SIM2: variants seen among roughly 807,000 people sequenced by gnomAD.
The protein encoded by SIM2 is single-minded homolog 2.
SIM2 carries 28 observed loss-of-function variants against 64.8 expected under a neutral mutation model. That is an observed-to-expected ratio of 0.43 (90% CI 0.32 to 0.59). The LOEUF (loss-of-function observed/expected upper bound fraction) is 0.59, where lower values mean the gene tolerates loss of function less well. Among genes scored for constraint, SIM2 ranks in the 20% least tolerant of loss-of-function variants. SIM2 has a pLI of 0.07. For synonymous variants in SIM2, 408 were observed against 391.1 expected (o/e 1.04, Z -0.51); for missense variants, 847 against 871.4 (o/e 0.97, Z 0.35).
In SIM2 at chr21:36,699,771, G is replaced by T. The variant is rs1243082353; in HGVS notation, c.25G>T (p.Ala9Ser). Residue 9 changes from alanine to serine, a missense_variant, in exon 1 of 11, where the codon GCC (alanine) becomes TCC (serine). Ala to Ser is a moderately conservative substitution (Grantham distance 99, BLOSUM62 1). Transcript: ENST00000290399. This position sits in a 1 kb window ranked among gnomAD's most constrained non-coding sequence, Gnocchi z 5.6. MKEKSKNA[A>S]KTRREKENGE... Reference sequence around the variant, plus strand: ...GATGAAGGAGAAGTCCAAGAATGCGGCCAAGACCAGGAGGGAGAAGGAAAA... The same window carrying T: ...GATGAAGGAGAAGTCCAAGAATGCGTCCAAGACCAGGAGGGAGAAGGAAAA... 3.7e-6 allele frequency: 6 copies of T among 1,612,702 alleles called. No homozygotes were observed. The highest frequency in any genetic ancestry group is 5.1e-6 in the Non-Finnish European group (6 of 1,179,340).
In SIM2 at chr21:36,748,158, G is replaced by A; in HGVS notation, c.*66G>A. The A allele has an allele frequency of 2.6e-6, 2 of 767,646 alleles. No homozygotes were observed. The highest frequency in any genetic ancestry group is 3.3e-6 in the Non-Finnish European group (2 of 598,668). The allele number at this position is 767,646 out of a possible 1,614,324, so 47.6% of individuals were successfully genotyped here. ...CGGGGCTGCGGCGCCACCGAGCCCG[G>A]CAAATGCGCACGACCTACATTAATT... is the stretch of plus-strand genomic sequence containing the variant. On this transcript the variant is annotated 3_prime_UTR_variant, in exon 11 of 11. Transcript: ENST00000290399.
chr21:36,708,454 A>G lies in SIM2; in HGVS notation c.176-714A>G, dbSNP rs114306105. Reference sequence around the variant, plus strand: ...CGGAGGAGTCCGGGGATCCCTAATTATGTGACAGGAGACCCTTTCCAGTTC... The same window carrying G: ...CGGAGGAGTCCGGGGATCCCTAATTGTGTGACAGGAGACCCTTTCCAGTTC... On this transcript the variant is annotated intron_variant, in intron 1 of 10. Transcript: ENST00000290399. 3.6e-3 allele frequency among the ~76,000 whole-genome samples: 551 copies of G among 152,296 alleles called. 3 individuals carry two copies. The highest frequency in any genetic ancestry group is 0.013 in the African/African-American group (527 of 41,580).
chr21:36,725,832 G>A (rs1372165264), intron 5 of SIM2, among the ~76,000 whole-genome samples: 1 of 152,114 alleles, frequency 6.6e-6, no homozygotes, highest in Non-Finnish European at 1.5e-5. Flanking sequence ...TGTCACCAAG[G>A]CTGGTCTCGA....
Position 36,709,168 on chromosome 21 carries a change from G to T in SIM2, c.176G>T (p.Gly59Val). 6.2e-7 allele frequency: 1 copy of T among 1,608,428 alleles called. No individual in the cohort carries two copies. Among genetic ancestry groups the T allele is most frequent in the Non-Finnish European group, 8.5e-7 (1 of 1,178,142 alleles). The change falls in exon 2 of 11, where the codon GGT (glycine) becomes GTT (valine). Residue 59 changes from glycine (G) to valine (V), a missense_variant and splice_region_variant. Coordinates refer to ENST00000290399, the MANE Select transcript of SIM2 (RefSeq NM_005069.6). ...YLKMRAVFPE[G>V]LGDAWGQPSR... ...CGATTTGCTTTCGTCCCTCGTCCAG[G>T]TTTAGGAGACGCGTGGGGACAGCCG...
rs1012551396 is a variant in SIM2, at chr21:36,744,984, T to C, written c.1424T>C (p.Val475Ala). The C allele has an allele frequency of 6.8e-6, 11 of 1,614,226 alleles. No homozygotes were observed. The highest frequency in any genetic ancestry group is 3.3e-5 in the Admixed American group (2 of 60,036). ...CAGCCCCAAGGATCCCCTTGTGAGG[T>C]GGCACGCTTTTTCCTGAGCACACTG... ...FGQPQGSPCEVARFFLSTLPA... is the reference protein window; with the variant it reads ...FGQPQGSPCEAARFFLSTLPA... Residue 475 changes from valine to alanine, a missense_variant, in exon 10 of 11, where the codon GTG becomes GCG. Physicochemically the swap from Val to Ala is moderately conservative, Grantham distance 64. Around this residue, in one of 3 missense-constraint regions of SIM2, gnomAD observed 447 missense variants for 414.6 expected, o/e 1.08. Transcript: ENST00000290399.
chr21:36,744,874 G>C lies in SIM2; in HGVS notation c.1314G>C (p.Leu438=), dbSNP rs1555877794. ...SDLLYTPSYS[L]PFSYHYGHFP... ...TTCTGTACACGCCATCCTACAGCCTGCCCTTCTCCTACCATTACGGACACT... is the reference window on the plus strand; with the variant it reads ...TTCTGTACACGCCATCCTACAGCCTCCCCTTCTCCTACCATTACGGACACT... Residue 438 remains leucine, a synonymous_variant, in exon 10 of 11, where the codon CTG becomes CTC. Transcript: ENST00000290399. 6.2e-7 allele frequency: 1 copy of C among 1,614,116 alleles called. No individual in the cohort carries two copies. Among genetic ancestry groups the C allele is most frequent in the Non-Finnish European group, 8.5e-7 (1 of 1,180,050 alleles).
intron 3 of SIM2, among the ~76,000 whole-genome samples, chr21:36,718,536 C>T (rs999671478): frequency 6.6e-6 from 1 of 152,222 alleles, no homozygotes; most frequent in Non-Finnish European, 1.5e-5. Context: ...ACCCTCTCTC[C>T]TTCCGGCAGG....
rs556200011 is a variant in SIM2, at chr21:36,712,720, G to T, written c.348+98G>T. ...AACTTGAAAATGAGTCTGTTTAAGTGTTTGCTTTTGTGTAAGAACATAACC... is the reference window on the plus strand; with the variant it reads ...AACTTGAAAATGAGTCTGTTTAAGTTTTTGCTTTTGTGTAAGAACATAACC... On this transcript the variant is annotated intron_variant, in intron 3 of 10. Transcript: ENST00000290399. 778 of 779,712 alleles carry T rather than the reference G, an allele frequency of 1.0e-3. 1 individual carries two copies. Among genetic ancestry groups the T allele is most frequent in the Non-Finnish European group, 1.5e-3 (718 of 464,100 alleles). The allele number at this position is 779,712 out of a possible 1,614,324, so 48.3% of individuals were successfully genotyped here. A position where few individuals can be genotyped will look rare whatever the true frequency, so the allele number is the denominator to read the frequency against.
chr21:36,726,086 G>A lies in SIM2; in HGVS notation c.544-33G>A, dbSNP rs2088886350. On this transcript the variant is annotated intron_variant, in intron 5 of 10. Transcript: ENST00000290399. This position sits in a 1 kb window ranked among gnomAD's most constrained non-coding sequence, Gnocchi z 4.5. ...AGTGGGCTCCAGCCCAACCCCAGTG[G>A]CCAGTGGCTGACCCTGCCCTCTCCA... 1 of 1,586,216 alleles carries A rather than the reference G, an allele frequency of 6.3e-7. No individual in the cohort carries two copies.
intron 1 of SIM2, among the ~76,000 whole-genome samples, chr21:36,702,904 TAA>T (rs1461891876): frequency 4.6e-5 from 6 of 129,920 alleles, no homozygotes; most frequent in African/African-American, 1.7e-4. Flanking sequence ...ATTGCTGGGG[TAA>T]AGAATCTAGA....
intron 9 of SIM2, among the ~76,000 whole-genome samples, chr21:36,743,767 G>T (rs1331300929): frequency 6.6e-6 from 1 of 152,164 alleles, no homozygotes; most frequent in Non-Finnish European, 1.5e-5. Flanking sequence ...GGAAACAGAA[G>T]ACTAAATTGG....
At position 36,742,426 on chromosome 21, in the gene SIM2, A is replaced by T. The variant is rs568130789; in HGVS notation, c.998+562A>T. ...TTTTTTTTTTTGTAAATTAAAAAAA[A>T]ATATGTTTTTGTAGAGACGGGGTTT... On this transcript the variant is annotated intron_variant, in intron 8 of 10. Coordinates refer to ENST00000290399, the MANE Select transcript of SIM2 (RefSeq NM_005069.6). Among the ~76,000 whole-genome samples the T allele has an allele frequency of 2.4e-4, 34 of 144,354 alleles. No individual in the cohort carries two copies. The South Asian group carries it at 6.4e-3, about 27-fold the overall frequency. The allele number at this position is 144,354 out of a possible 152,430, so 94.7% of individuals were successfully genotyped here. A position where few individuals can be genotyped will look rare whatever the true frequency, so the allele number is the denominator to read the frequency against.
Position 36,699,917 on chromosome 21 carries a change from C to T in SIM2, c.171C>T (p.Pro57=). Residue 57 remains proline (P), a synonymous_variant, in exon 1 of 11, where the codon CCC becomes CCT. Transcript: ENST00000290399. The surrounding 1 kb of genome is among the most constrained non-coding windows in gnomAD (Gnocchi z 5.6). ...ACCTGAAGATGCGCGCCGTCTTCCC[C>T]GAAGGTGAGGCCTCAGGTGGGCGGC... is the stretch of plus-strand genomic sequence containing the variant. ...TSYLKMRAVF[P]EGLGDAWGQP... 1 of 1,598,314 alleles carries T rather than the reference C, an allele frequency of 6.3e-7. No individual in the cohort carries two copies. The highest frequency in any genetic ancestry group is 8.5e-7 in the Non-Finnish European group (1 of 1,172,800).
chr21:36,741,692 G>A, intron 7 of SIM2, 25 bp from the exon 8 acceptor site: 2 of 1,610,346 alleles, frequency 1.2e-6, no homozygotes, highest in Non-Finnish European at 1.7e-6. Flanking sequence ...AGCGTCTGAG[G>A]ACTCCTGTCA....
At position 36,745,685 on chromosome 21, in the gene SIM2, G is replaced by T; in HGVS notation, c.1576+549G>T. ...CTCAGTTTCTTCACCTGTAAAATGG[G>T]GTGAAGCTGTGATGTGCCTACTCCC... On this transcript the variant is annotated intron_variant, in intron 10 of 10. Coordinates refer to ENST00000290399, the MANE Select transcript of SIM2 (RefSeq NM_005069.6). The surrounding 1 kb of genome is among the most constrained non-coding windows in gnomAD (Gnocchi z 4.8). 1.6e-6 allele frequency: 2 copies of T among 1,215,520 alleles called. No homozygotes were observed. The highest frequency in any genetic ancestry group is 1.5e-5 in the African/African-American group (1 of 64,684). 75.3% of individuals were successfully genotyped at this position (1,215,520 alleles called of 1,614,324 possible).
intron 8 of SIM2, among the ~76,000 whole-genome samples, chr21:36,742,676 T>C (rs548351712): frequency 6.6e-6 from 1 of 152,306 alleles, no homozygotes; most frequent in South Asian, 2.1e-4. Flanking sequence ...GCTGTGACCC[T>C]TGCCATGCCG....
chr21:36,708,332 G>A (rs907814274), intron 1 of SIM2, among the ~76,000 whole-genome samples: 9 of 152,264 alleles, frequency 5.9e-5, no homozygotes, highest in Non-Finnish European at 1.2e-4. Flanking sequence ...TGCAGCAGGA[G>A]GGGAGTCCTG....
chr21:36,705,942 T>G (rs1000441853), intron 1 of SIM2, among the ~76,000 whole-genome samples: 28 of 152,318 alleles, frequency 1.8e-4, no homozygotes, highest in African/African-American at 6.5e-4. Context: ...CCACAGCCCC[T>G]GCCACCACCC....
At position 36,709,266 on chromosome 21, in the gene SIM2, C is replaced by G. The variant is rs760533584; in HGVS notation, c.258+16C>G. The G allele has an allele frequency of 6.3e-7, 1 of 1,575,334 alleles. No individual in the cohort carries two copies. The highest frequency in any genetic ancestry group is 1.8e-5 in the Admixed American group (1 of 54,166). On this transcript the variant is annotated intron_variant, in intron 2 of 10. Transcript: ENST00000290399. Reference sequence around the variant, plus strand: ...CTTGCTGCAGGTAGAGCGGCCTCGCCGGGGGAGGAGCGCAGCCGCCGCAGG... The same window carrying G: ...CTTGCTGCAGGTAGAGCGGCCTCGCGGGGGGAGGAGCGCAGCCGCCGCAGG...
Sources: allele counts gnomAD v4.1 joint callset (sites outside exome capture counted in the v4.1 genomes callset), GRCh38; gene constraint gnomAD v4.1.1; regional missense constraint gnomAD v4.1.1; non-coding constraint Gnocchi (gnomAD v3.1); transcripts MANE v1.5; gene names NCBI Gene and HGNC (gene_info 2026-07-23, HGNC 2026-07-21).